IL1RL2: variants seen among roughly 807,000 people sequenced by gnomAD.
The protein encoded by IL1RL2 is interleukin 1 receptor like 2.
In IL1RL2, 68 loss-of-function variants were observed where a neutral mutation model predicts 66.8. That is an observed-to-expected ratio of 1.02 (90% CI 0.84 to 1.25). IL1RL2 has a LOEUF of 1.25. Among genes scored for constraint, IL1RL2 ranks in the 50% most tolerant of loss-of-function variants. The pLI is 0.00. For missense variants in IL1RL2, 729 were observed against 709.3 expected (o/e 1.03, Z -0.32); for synonymous variants, 305 against 264.6 (o/e 1.15, Z -1.48).
intron 4 of IL1RL2, among the ~76,000 whole-genome samples, chr2:102,199,023 C>A (rs1456452964): frequency 1.3e-5 from 2 of 152,208 alleles, no homozygotes; most frequent in Non-Finnish European, 2.9e-5. Flanking sequence ...CCTTCTTCTT[C>A]TTAGTAACAC....
chr2:102,187,396 G>A (rs1686773169), intron 1 of IL1RL2: 2 of 1,145,180 alleles, frequency 1.7e-6, no homozygotes, highest in South Asian at 3.8e-5. Flanking sequence ...TTTCTGTTTA[G>A]ACCGCCAGGC....
At chr2:102,223,243 G>T (rs936873352) in intron 8 of IL1RL2, among the ~76,000 whole-genome samples, 1 of 152,120 alleles carries the variant, frequency 6.6e-6, no homozygotes, top group Non-Finnish European at 1.5e-5. Context: ...ACCTCTTGTT[G>T]GTTTACTTGG....
At chr2:102,236,983 C>T (rs998389548) in intron 11 of IL1RL2, among the ~76,000 whole-genome samples, 1 of 152,174 alleles carries the variant, frequency 6.6e-6, no homozygotes, top group South Asian at 2.1e-4. Flanking sequence ...CAGAAAATAC[C>T]TTTTCGTCTG....
At chr2:102,233,209 T>A in intron 10 of IL1RL2, 85 bp downstream of exon 10, 1 of 1,290,350 alleles carries the variant, frequency 7.7e-7, no homozygotes, top group Non-Finnish European at 1.1e-6. Flanking sequence ...TGGCGGTGAC[T>A]CTGCCTGCCT....
chr2:102,233,477 A>G (rs1008450247), intron 10 of IL1RL2, among the ~76,000 whole-genome samples: 4 of 152,202 alleles, frequency 2.6e-5, no homozygotes, highest in African/African-American at 7.2e-5. Flanking sequence ...TGAGCCTCAC[A>G]TCCCTGAGAT....
At chr2:102,215,720 C>T (rs937603184) in intron 6 of IL1RL2, among the ~76,000 whole-genome samples, 15 of 152,158 alleles carry the variant, frequency 9.9e-5, no homozygotes, top group Non-Finnish European at 2.2e-4. Flanking sequence ...AGTACAAACT[C>T]CTGCAGCCTA....
chr2:102,194,937 T>C (rs1687538379), intron 4 of IL1RL2, among the ~76,000 whole-genome samples: 1 of 151,890 alleles, frequency 6.6e-6, no homozygotes, highest in African/African-American at 2.4e-5. Flanking sequence ...AGCCAAATAA[T>C]AAATATTTTA....
At chr2:102,218,907 G>A in intron 6 of IL1RL2, 46 bp from the exon 7 acceptor site, 2 of 1,559,930 alleles carry the variant, frequency 1.3e-6, no homozygotes, top group South Asian at 2.2e-5. Flanking sequence ...AAATTTGAAA[G>A]TTTGTAGAAT....
At chr2:102,224,880 T>A (rs1442297614) in intron 8 of IL1RL2, among the ~76,000 whole-genome samples, 3 of 152,114 alleles carry the variant, frequency 2.0e-5, no homozygotes, top group East Asian at 1.9e-4. Flanking sequence ...AAAATTTTTT[T>A]AAAATTAAAG....
intron 11 of IL1RL2, chr2:102,236,032 G>A: frequency 1.4e-6 from 1 of 740,306 alleles, no homozygotes; most frequent in Non-Finnish European, 1.6e-6. Flanking sequence ...GACGCAATTA[G>A]CACACAGATG....
intron 5 of IL1RL2, among the ~76,000 whole-genome samples, chr2:102,208,266 G>A (rs13021607): frequency 0.05 from 7,538 of 151,868 alleles, 213 homozygotes; most frequent in Middle Eastern, 0.15. Flanking sequence ...GTCCTTGTAG[G>A]GGAGACAATT....
chr2:102,214,093 C>T (rs1384253993), intron 6 of IL1RL2, among the ~76,000 whole-genome samples: 1 of 152,150 alleles, frequency 6.6e-6, no homozygotes, highest in Non-Finnish European at 1.5e-5. Flanking sequence ...ACACATTACT[C>T]ATTATGTGAA....
At chr2:102,238,545 GGTT>G in intron 11 of IL1RL2, among the ~76,000 whole-genome samples, 1 of 152,320 alleles carries the variant, frequency 6.6e-6, no homozygotes, top group Admixed American at 6.5e-5. Flanking sequence ...GCCACGTCAT[GGTT>G]GGTTGACCTT....
At chr2:102,189,513 C>T (rs1293331441) in intron 3 of IL1RL2, among the ~76,000 whole-genome samples, 1 of 152,226 alleles carries the variant, frequency 6.6e-6, no homozygotes, top group African/African-American at 2.4e-5. Context: ...TGCATCTTTC[C>T]CTATGGAAAT....
Position 102,187,062 on chromosome 2 carries a change from C to T in IL1RL2, c.-37C>T. ...CATATTTTCCACTCTCCACGAGGTC[C>T]TGCGCGCTTCAATCCTGCAGGCAGG... On this transcript the variant is annotated 5_prime_UTR_variant, in exon 1 of 12. Coordinates refer to ENST00000264257, the MANE Select transcript of IL1RL2 (RefSeq NM_003854.4). The T allele has an allele frequency of 7.8e-7, 1 of 1,289,878 alleles. No individual in the cohort carries two copies. Among genetic ancestry groups the T allele is most frequent in the Non-Finnish European group, 1.0e-6 (1 of 988,868 alleles). The allele number at this position is 1,289,878 out of a possible 1,614,324, so 79.9% of individuals were successfully genotyped here.
chr2:102,200,948 A>T (rs761350487), intron 4 of IL1RL2, among the ~76,000 whole-genome samples: 6 of 152,134 alleles, frequency 3.9e-5, no homozygotes, highest in Non-Finnish European at 7.4e-5. Flanking sequence ...AGACCTTCAA[A>T]TTGGATGTTG....
chr2:102,215,633 C>A (rs1689547295), intron 6 of IL1RL2, among the ~76,000 whole-genome samples: 1 of 152,092 alleles, frequency 6.6e-6, no homozygotes, highest in African/African-American at 2.4e-5. Flanking sequence ...TCCATTGGAC[C>A]TACTGTGTGT....
chr2:102,189,242 G>A lies in IL1RL2; in HGVS notation c.225G>A (p.Gln75=), dbSNP rs200302961. 42 of 1,614,072 alleles carry A rather than the reference G, an allele frequency of 2.6e-5. No individual in the cohort carries two copies. The Admixed American group carries it at 6.8e-4, about 26-fold the overall frequency. The change falls in exon 3 of 12, where the codon CAG becomes CAA. Residue 75 remains glutamine (Q), a synonymous_variant. Transcript: ENST00000264257. The part of the protein sequence containing the change: ...VSKIIQSRIH[Q]DETWILFLPM... ...AAATCATACAGTCTAGAATTCACCA[G>A]GACGAGACTTGGATTTTGTTTCTCC...
intron 6 of IL1RL2, among the ~76,000 whole-genome samples, chr2:102,218,219 A>G (rs533280600): frequency 1.3e-5 from 2 of 152,318 alleles, no homozygotes; most frequent in South Asian, 4.1e-4. Context: ...TTTGCTTATG[A>G]TAATTCATTA....
Sources: gnomAD v4.1 joint callset for allele counts (sites outside exome capture counted in the v4.1 genomes callset) on GRCh38, gnomAD v4.1.1 for gene constraint, MANE v1.5 for transcripts, NCBI Gene and HGNC (gene_info 2026-07-23, HGNC 2026-07-21) for gene names.